PLEKHG1: variants seen among roughly 807,000 people sequenced by gnomAD.
The protein encoded by PLEKHG1 is pleckstrin homology domain-containing family G member 1.
Under a neutral mutation model 100.8 loss-of-function variants are expected in PLEKHG1, and 44 were observed. That is an observed-to-expected ratio of 0.44 (90% confidence interval 0.34 to 0.56). The LOEUF (loss-of-function observed/expected upper bound fraction) is 0.56, where lower values mean the gene tolerates loss of function less well. Ranked by LOEUF, PLEKHG1 falls within the 20% of genes least tolerant of loss-of-function variation. The pLI, the probability that PLEKHG1 is intolerant of heterozygous loss-of-function variation, is 0.01. For missense variants in PLEKHG1, 1,545 were observed against 1,720.9 expected (o/e 0.90, Z 1.81); for synonymous variants, 640 against 662.5 (o/e 0.97, Z 0.52).
rs1776309954 is a variant in PLEKHG1, at chr6:150,600,658, C to T, written c.-204+641C>T. 6.6e-6 allele frequency among the ~76,000 whole-genome samples: 1 copy of T among 152,200 alleles called. No individual in the cohort carries two copies. The highest frequency in any genetic ancestry group is 1.5e-5 in the Non-Finnish European group (1 of 68,032). On this transcript the variant is annotated intron_variant, in intron 1 of 3. Coordinates refer to the PLEKHG1 transcript ENST00000367326. This position sits in a 1 kb window ranked among gnomAD's most constrained non-coding sequence, Gnocchi z 6.2. ...TTCCGTCACGGGGTAAACGGTAACA[C>T]CTGGGCGGCCGCGACTCTGCGAGCG...
At position 150,808,180 on chromosome 6, in the gene PLEKHG1, T is replaced by C. The variant is rs112194477; in HGVS notation, c.913-925T>C. 4.1e-3 allele frequency among the ~76,000 whole-genome samples: 622 copies of C among 152,192 alleles called. 4 individuals carry two copies. Among genetic ancestry groups the C allele is most frequent in the African/African-American group, 0.014 (597 of 41,510 alleles). ...CTGTCAAAATATATCACGTACCCCA[T>C]AAATATATACACCTACTGTGTACCC... On this transcript the variant is annotated intron_variant, in intron 7 of 15. Coordinates refer to ENST00000358517, the Ensembl canonical transcript of PLEKHG1.
chr6:150,725,590 G>C (rs1781921224), intron 1 of PLEKHG1, among the ~76,000 whole-genome samples: 1 of 152,114 alleles, frequency 6.6e-6, no homozygotes, highest in Non-Finnish European at 1.5e-5. Flanking sequence ...CATTCTGTAG[G>C]TTATCTCCTT....
chr6:150,676,420 G>C (rs1439135085), intron 3 of PLEKHG1, among the ~76,000 whole-genome samples: 1 of 152,210 alleles, frequency 6.6e-6, no homozygotes, highest in Non-Finnish European at 1.5e-5. Flanking sequence ...AAATCAACAA[G>C]GGACAGGTTG....
intron 2 of PLEKHG1, among the ~76,000 whole-genome samples, chr6:150,735,238 G>A (rs929995391): frequency 2.2e-4 from 33 of 150,394 alleles, no homozygotes; most frequent in African/African-American, 7.8e-4. Context: ...CTCCTGCCTC[G>A]GCCTCCCAAA....
intron 3 of PLEKHG1, among the ~76,000 whole-genome samples, chr6:150,693,112 A>T (rs999441538): frequency 1.3e-5 from 2 of 152,096 alleles, no homozygotes; most frequent in Non-Finnish European, 2.9e-5. Flanking sequence ...ACGTAGTGAA[A>T]CACCATCTCT....
intron 1 of PLEKHG1, among the ~76,000 whole-genome samples, chr6:150,727,326 A>G (rs1414056329): frequency 6.6e-6 from 1 of 152,176 alleles, no homozygotes. Context: ...CCCGTTCTCC[A>G]TGTAAATATG....
At chr6:150,740,411 G>T (rs1047640792) in intron 2 of PLEKHG1, among the ~76,000 whole-genome samples, 12 of 152,216 alleles carry the variant, frequency 7.9e-5, no homozygotes, top group Non-Finnish European at 1.2e-4. Context: ...GACTAAAAGA[G>T]GCAGGTTTTG....
At chr6:150,613,739 C>T (rs1433929246) in intron 1 of PLEKHG1, among the ~76,000 whole-genome samples, 2 of 152,178 alleles carry the variant, frequency 1.3e-5, no homozygotes, top group African/African-American at 4.8e-5. Flanking sequence ...TCGCTCTCCC[C>T]GAATCTTCCC....
chr6:150,738,850 CT>C (rs1346860710), intron 2 of PLEKHG1, among the ~76,000 whole-genome samples: 1 of 152,160 alleles, frequency 6.6e-6, no homozygotes, highest in Non-Finnish European at 1.5e-5. Context: ...ATATATGCCC[CT>C]AACTGCATTC....
intron 7 of PLEKHG1, among the ~76,000 whole-genome samples, chr6:150,806,937 T>C (rs76521446): frequency 0.045 from 6,788 of 152,146 alleles, 236 homozygotes; most frequent in African/African-American, 0.095. Context: ...TCACACTGCC[T>C]TTCTCCCTCC....
intron 3 of PLEKHG1, among the ~76,000 whole-genome samples, chr6:150,675,852 TTAAG>T (rs1309463611): frequency 6.6e-6 from 1 of 152,120 alleles, no homozygotes; most frequent in Non-Finnish European, 1.5e-5. Flanking sequence ...GAAGATGAAA[TTAAG>T]TAGCAAAAAA....
chr6:150,634,259 A>AAAG (rs1777894848), intron 1 of PLEKHG1, among the ~76,000 whole-genome samples: 1 of 150,680 alleles, frequency 6.6e-6, no homozygotes, highest in African/African-American at 2.5e-5. Flanking sequence ...CCAAAAAAAA[A>AAAG]AAAGAAAAAA....
chr6:150,671,097 A>C (rs1476931442), intron 3 of PLEKHG1, among the ~76,000 whole-genome samples: 5 of 150,908 alleles, frequency 3.3e-5, no homozygotes, highest in African/African-American at 9.8e-5. Context: ...TCATATATAT[A>C]TATATATATA....
chr6:150,601,300 A>G (rs927951290), intron 1 of PLEKHG1, among the ~76,000 whole-genome samples: 1 of 152,240 alleles, frequency 6.6e-6, no homozygotes, highest in African/African-American at 2.4e-5. Context: ...TTCCAAGCCC[A>G]TCATTTCAGG....
intron 1 of PLEKHG1, among the ~76,000 whole-genome samples, chr6:150,723,744 T>C (rs535246325): frequency 6.6e-6 from 1 of 152,352 alleles, no homozygotes; most frequent in South Asian, 2.1e-4. Context: ...GGGTTCTCTC[T>C]TATTGCTTAA....
intron 1 of PLEKHG1, among the ~76,000 whole-genome samples, chr6:150,730,974 A>G (rs549088332): frequency 1.3e-5 from 2 of 152,176 alleles, no homozygotes; most frequent in Non-Finnish European, 2.9e-5. Flanking sequence ...TTGGGATCTC[A>G]AAATATCCTC....
At chr6:150,647,053 G>A (rs1778531630) in intron 2 of PLEKHG1, among the ~76,000 whole-genome samples, 1 of 152,088 alleles carries the variant, frequency 6.6e-6, no homozygotes, top group Non-Finnish European at 1.5e-5. Flanking sequence ...TTGTGCTTAC[G>A]AACAAATTTA....
chr6:150,732,753 T>G (rs1278051003), intron 1 of PLEKHG1, among the ~76,000 whole-genome samples: 1 of 152,160 alleles, frequency 6.6e-6, no homozygotes, highest in Non-Finnish European at 1.5e-5. Context: ...GAGTAGCTAA[T>G]TTTTGTGTTT....
At chr6:150,799,722 A>G (rs1786574904) in intron 5 of PLEKHG1, among the ~76,000 whole-genome samples, 2 of 152,186 alleles carry the variant, frequency 1.3e-5, no homozygotes, top group Non-Finnish European at 2.9e-5. Context: ...AGGGATTCTA[A>G]TGGTTTAATT....
Sources: allele counts gnomAD v4.1 joint callset (sites outside exome capture counted in the v4.1 genomes callset), GRCh38; gene constraint gnomAD v4.1.1; non-coding constraint Gnocchi (gnomAD v3.1); transcripts MANE v1.5; gene names NCBI Gene and HGNC (gene_info 2026-07-23, HGNC 2026-07-21).